Variants in KIFAP3 observed in about 807,000 individuals in gnomAD.
The protein encoded by KIFAP3 is kinesin-associated protein 3.
KIFAP3 carries 68 observed loss-of-function variants against 106.5 expected under a neutral mutation model. That is an observed-to-expected ratio of 0.64 (90% CI 0.53 to 0.78). The LOEUF (loss-of-function observed/expected upper bound fraction) is 0.78. KIFAP3 is among the 30% of genes least tolerant of loss of function. The probability of loss-of-function intolerance (pLI) is 0.00; values close to 1 mark genes in which losing one functional copy is unlikely to be tolerated. For missense variants in KIFAP3, 780 were observed against 941.8 expected (o/e 0.83, Z 2.25); for synonymous variants, 320 against 311.5 (o/e 1.03, Z -0.29).
intron 17 of KIFAP3, among the ~76,000 whole-genome samples, chr1:169,967,306 T>C (rs528959710): frequency 6.6e-6 from 1 of 151,916 alleles, no homozygotes; most frequent in South Asian, 2.1e-4. Flanking sequence ...GGACAAAACT[T>C]TCCTTTTTTA....
At chr1:169,948,924 G>A (rs1228816457) in intron 19 of KIFAP3, among the ~76,000 whole-genome samples, 4 of 151,720 alleles carry the variant, frequency 2.6e-5, no homozygotes, top group Non-Finnish European at 5.9e-5. Context: ...GCTTTCTCAA[G>A]GGAAAAAAAC....
intron 1 of KIFAP3, among the ~76,000 whole-genome samples, chr1:170,070,239 T>C (rs1557880068): frequency 6.6e-6 from 1 of 152,152 alleles, no homozygotes; most frequent in Non-Finnish European, 1.5e-5. Flanking sequence ...CAAAGTGATC[T>C]ATAGATTCAT....
chr1:170,050,878 A>G (rs955258795), intron 2 of KIFAP3, among the ~76,000 whole-genome samples: 1 of 152,208 alleles, frequency 6.6e-6, no homozygotes, highest in African/African-American at 2.4e-5. Context: ...AGTACCAGCC[A>G]CTGCAAAAAC....
At chr1:169,982,955 A>C in intron 13 of KIFAP3, 88 bp from the exon 14 acceptor site, 1 of 752,042 alleles carries the variant, frequency 1.3e-6, no homozygotes, top group South Asian at 3.7e-5. Context: ...AACTCATTGA[A>C]AGAAAAAGTA....
At chr1:170,077,194 C>G (rs755072850), upstream of KIFAP3, among the ~76,000 whole-genome samples, 4 of 152,226 alleles carry the variant, frequency 2.6e-5, no homozygotes, top group Non-Finnish European at 5.9e-5. Flanking sequence ...AATCAGCACT[C>G]TGTAACACCA....
chr1:169,973,386 C>T (rs1020828191), intron 16 of KIFAP3, among the ~76,000 whole-genome samples: 9 of 147,308 alleles, frequency 6.1e-5, no homozygotes, highest in African/African-American at 2.0e-4. Flanking sequence ...AAGAAGAAAA[C>T]CAATGTAACA....
At chr1:170,074,404 G>C (rs754403097) in intron 1 of KIFAP3, 32 bp downstream of exon 1, 3 of 1,612,068 alleles carry the variant, frequency 1.9e-6, no homozygotes, top group East Asian at 4.5e-5. Flanking sequence ...CCCTGGCAAG[G>C]AGGGTAGGAC....
At chr1:170,043,650 G>C (rs995702742) in intron 3 of KIFAP3, among the ~76,000 whole-genome samples, 1 of 152,078 alleles carries the variant, frequency 6.6e-6, no homozygotes, top group Non-Finnish European at 1.5e-5. Context: ...GAGGATCAAA[G>C]GACTTATCCC....
At chr1:170,062,323 A>T (rs899021646) in intron 1 of KIFAP3, among the ~76,000 whole-genome samples, 3 of 149,798 alleles carry the variant, frequency 2.0e-5, no homozygotes, top group Admixed American at 6.7e-5. Flanking sequence ...TAACACCTTG[A>T]TATTCATCCT....
intron 3 of KIFAP3, among the ~76,000 whole-genome samples, chr1:170,045,835 A>G (rs1029761097): frequency 6.6e-6 from 1 of 152,188 alleles, no homozygotes; most frequent in Non-Finnish European, 1.5e-5. Context: ...CCTTGTTGCT[A>G]AAGTCACATA....
chr1:169,990,626 G>C (rs922442172), intron 11 of KIFAP3, among the ~76,000 whole-genome samples: 1 of 151,982 alleles, frequency 6.6e-6, no homozygotes, highest in Non-Finnish European at 1.5e-5. Context: ...GTTTAATAAA[G>C]AGTAATGACA....
At chr1:170,054,610 C>T (rs961749341) in intron 2 of KIFAP3, among the ~76,000 whole-genome samples, 1 of 152,168 alleles carries the variant, frequency 6.6e-6, no homozygotes, top group African/African-American at 2.4e-5. Context: ...ACATATACAT[C>T]ACGGAATAAT....
intron 8 of KIFAP3, among the ~76,000 whole-genome samples, chr1:170,026,665 G>A (rs1411424009): frequency 6.6e-6 from 1 of 152,010 alleles, no homozygotes; most frequent in Non-Finnish European, 1.5e-5. Flanking sequence ...CAAATACTGA[G>A]TTGAGTATTG....
In KIFAP3 at chr1:170,048,102, C is replaced by T. The variant is rs188597615; in HGVS notation, c.165-1236G>A. Among the ~76,000 whole-genome samples, 547 of 152,224 alleles carry T rather than the reference C, an allele frequency of 3.6e-3. 7 individuals carry two copies. The highest frequency in any genetic ancestry group is 0.012 in the African/African-American group (495 of 41,550). On this transcript the variant is annotated intron_variant, in intron 2 of 19. Transcript: ENST00000361580. ...TTATCCATATGTAGATGATTTCTCCCGAAACCATTCCAGCAGAATGACTTA... is the reference window on the plus strand; with the variant it reads ...TTATCCATATGTAGATGATTTCTCCTGAAACCATTCCAGCAGAATGACTTA...
At chr1:170,066,790 A>G (rs74122310) in intron 1 of KIFAP3, among the ~76,000 whole-genome samples, 14,463 of 152,176 alleles carry the variant, frequency 0.095, 1,836 homozygotes, top group African/African-American at 0.29. Flanking sequence ...ACAGATGCAG[A>G]TCGGTCACCA....
At chr1:170,072,718 C>A (rs1166570527) in intron 1 of KIFAP3, among the ~76,000 whole-genome samples, 3 of 152,014 alleles carry the variant, frequency 2.0e-5, no homozygotes, top group Non-Finnish European at 4.4e-5. Flanking sequence ...TATATGTAAT[C>A]ATGGTCAAAA....
intron 19 of KIFAP3, among the ~76,000 whole-genome samples, chr1:169,926,490 A>G (rs1663138152): frequency 6.6e-6 from 1 of 152,170 alleles, no homozygotes; most frequent in African/African-American, 2.4e-5. Flanking sequence ...ATTGTAGGCT[A>G]AAACTGTATT....
At chr1:170,047,314 T>C (rs1157639586) in intron 2 of KIFAP3, among the ~76,000 whole-genome samples, 1 of 151,076 alleles carries the variant, frequency 6.6e-6, no homozygotes, top group Non-Finnish European at 1.5e-5. Context: ...ATATAGAAGG[T>C]AAAAGCAAAA....
intron 18 of KIFAP3, among the ~76,000 whole-genome samples, chr1:169,960,210 A>C (rs1665249199): frequency 6.6e-6 from 1 of 152,122 alleles, no homozygotes; most frequent in Non-Finnish European, 1.5e-5. Flanking sequence ...TAGAGAACAT[A>C]TATTGAGAAC....
Sources: gnomAD v4.1 joint callset for allele counts (sites outside exome capture counted in the v4.1 genomes callset) on GRCh38, gnomAD v4.1.1 for gene constraint, MANE v1.5 for transcripts, NCBI Gene and HGNC (gene_info 2026-07-23, HGNC 2026-07-21) for gene names.